HEPACAM2: variants seen among roughly 807,000 people sequenced by gnomAD.
HEPACAM2 encodes HEPACAM family member 2.
A neutral mutation model predicts 49.6 loss-of-function variants in HEPACAM2; 49 were observed. That is an observed-to-expected ratio of 0.99 (90% confidence interval 0.78 to 1.25). The LOEUF (loss-of-function observed/expected upper bound fraction) is 1.25. Among genes scored for constraint, HEPACAM2 ranks in the 50% most tolerant of loss-of-function variants. HEPACAM2 has a pLI of 0.00. For missense variants in HEPACAM2, 525 were observed against 557.2 expected, an observed-to-expected ratio of 0.94 and a Z score of 0.58; for synonymous variants, 197 against 202.9, an observed-to-expected ratio of 0.97 and a Z score of 0.25.
chr7:93,188,980 T>C lies in HEPACAM2; in HGVS notation c.*287A>G, dbSNP rs42507. On this transcript the variant is annotated 3_prime_UTR_variant, in exon 10 of 10. Transcript: ENST00000394468. ...GTAGAGATATTTCATACAAAACTTATGAGGAAACCCCTGTCACTTTCGTTC... is the reference window on the plus strand; with the variant it reads ...GTAGAGATATTTCATACAAAACTTACGAGGAAACCCCTGTCACTTTCGTTC... 0.56 allele frequency: 250,308 copies of C among 443,694 alleles called. 77,574 individuals are homozygous for C. The highest frequency in any genetic ancestry group is 0.67 in the Middle Eastern group (1,181 of 1,750). The allele number at this position is 443,694 out of a possible 1,614,324, so 27.5% of individuals were successfully genotyped here. A position where few individuals can be genotyped will look rare whatever the true frequency, so the allele number is the denominator to read the frequency against.
At chr7:93,221,563 C>T (rs1228321621) in intron 1 of HEPACAM2, among the ~76,000 whole-genome samples, 1 of 152,130 alleles carries the variant, frequency 6.6e-6, no homozygotes, top group African/African-American at 2.4e-5. Context: ...AAGATTCCCA[C>T]AGTTTGGGCC....
At chr7:93,221,784 T>C (rs920938849) in intron 1 of HEPACAM2, among the ~76,000 whole-genome samples, 1 of 152,192 alleles carries the variant, frequency 6.6e-6, no homozygotes, top group African/African-American at 2.4e-5. Context: ...TTGGCCTCTG[T>C]GTGTTTTTGT....
chr7:93,195,056 A>C (rs552816201), intron 8 of HEPACAM2, among the ~76,000 whole-genome samples: 2 of 151,492 alleles, frequency 1.3e-5, no homozygotes, highest in African/African-American at 2.4e-5. Context: ...TTCCTTCTGA[A>C]GCATGAGGTA....
rs181934040 is a variant in HEPACAM2 at position 93,189,275 on chromosome 7, T to G, written c.1386-5A>C. On this transcript the variant is annotated splice_region_variant and splice_polypyrimidine_tract_variant and intron_variant, in intron 9 of 9. Transcript: ENST00000394468. Reference sequence around the variant, plus strand: ...GTTTAGCCCATGAAAGTTCACCTAGTGAAGAGATATACAAAATATGTAAAC... The same window carrying G: ...GTTTAGCCCATGAAAGTTCACCTAGGGAAGAGATATACAAAATATGTAAAC... The G allele has an allele frequency of 7.9e-4, 1,261 of 1,592,426 alleles. 6 individuals are homozygous for G. The African/African-American group carries it at 0.016, about 20-fold the overall frequency.
At chr7:93,206,163 A>G (rs191640273) in intron 4 of HEPACAM2, among the ~76,000 whole-genome samples, 4 of 152,228 alleles carry the variant, frequency 2.6e-5, no homozygotes, top group Admixed American at 2.6e-4. Context: ...TTTCACTTGC[A>G]GTGAGCATGA....
chr7:93,218,061 A>C (rs1283862852), intron 2 of HEPACAM2, among the ~76,000 whole-genome samples: 1 of 152,112 alleles, frequency 6.6e-6, no homozygotes. Context: ...CAGCAAGTAC[A>C]AAGGCCCTGA....
intron 1 of HEPACAM2, among the ~76,000 whole-genome samples, chr7:93,222,248 TTATA>T (rs1376653814): frequency 2.0e-5 from 3 of 152,082 alleles, no homozygotes; most frequent in African/African-American, 7.2e-5. Context: ...CAAAATGCAT[TTATA>T]TGTCTTTCAT....
chr7:93,211,460 T>C (rs1229652675), intron 3 of HEPACAM2, among the ~76,000 whole-genome samples: 1 of 152,010 alleles, frequency 6.6e-6, no homozygotes, highest in African/African-American at 2.4e-5. Flanking sequence ...TGCTGTCAAA[T>C]GGAACTCTTT....
chr7:93,196,189 A>G (rs1043583274), intron 7 of HEPACAM2, among the ~76,000 whole-genome samples: 6 of 152,102 alleles, frequency 3.9e-5, no homozygotes, highest in African/African-American at 1.4e-4. Flanking sequence ...GGCCTTTGTA[A>G]CTTGCAGTTA....
chr7:93,201,196 T>C (rs1793873239), intron 4 of HEPACAM2, among the ~76,000 whole-genome samples: 1 of 152,118 alleles, frequency 6.6e-6, no homozygotes, highest in South Asian at 2.1e-4. Flanking sequence ...AGCTTTCTTT[T>C]TTGTATGGTT....
intron 9 of HEPACAM2, among the ~76,000 whole-genome samples, chr7:93,191,823 GAC>G (rs1408222851): frequency 1.3e-5 from 2 of 151,980 alleles, no homozygotes; most frequent in Non-Finnish European, 1.5e-5. Context: ...CTGTGCTGTG[GAC>G]CCTCTGTAGG....
intron 3 of HEPACAM2, among the ~76,000 whole-genome samples, chr7:93,210,357 T>C (rs1562829353): frequency 6.6e-6 from 1 of 151,974 alleles, no homozygotes; most frequent in Non-Finnish European, 1.5e-5. Flanking sequence ...TTAAACAATT[T>C]ATTTGCCCAT....
chr7:93,209,632 A>G (rs959642006), intron 3 of HEPACAM2, among the ~76,000 whole-genome samples: 1 of 151,940 alleles, frequency 6.6e-6, no homozygotes, highest in African/African-American at 2.4e-5. Flanking sequence ...AGTAACTACT[A>G]TTCTACTCTC....
chr7:93,204,226 C>T (rs1793967095), intron 4 of HEPACAM2, among the ~76,000 whole-genome samples: 1 of 152,110 alleles, frequency 6.6e-6, no homozygotes, highest in African/African-American at 2.4e-5. Flanking sequence ...TCAAACTATG[C>T]CCACATGGCC....
At chr7:93,201,170 G>C (rs1414835393) in intron 4 of HEPACAM2, among the ~76,000 whole-genome samples, 2 of 152,054 alleles carry the variant, frequency 1.3e-5, no homozygotes, top group African/African-American at 4.8e-5. Context: ...TAGAAGACCT[G>C]CTATATAGCT....
intron 3 of HEPACAM2, among the ~76,000 whole-genome samples, chr7:93,210,835 G>T (rs1158675698): frequency 6.6e-6 from 1 of 151,896 alleles, no homozygotes; most frequent in Non-Finnish European, 1.5e-5. Context: ...GCATTCTTTA[G>T]AAGTCATTTG....
chr7:93,226,015 T>G, intron 1 of HEPACAM2: 1 of 697,216 alleles, frequency 1.4e-6, no homozygotes, highest in Non-Finnish European at 2.3e-6. Flanking sequence ...TGGTCACAAT[T>G]TCATGGCCTA....
intron 1 of HEPACAM2, 182 bp from the exon 2 acceptor site, chr7:93,219,633 C>T: frequency 8.9e-7 from 1 of 1,121,556 alleles, no homozygotes; most frequent in Non-Finnish European, 1.2e-6. Context: ...ACCTTCTGCA[C>T]TTAAAAAACT....
At position 93,215,536 on chromosome 7, in the gene HEPACAM2, T is replaced by A; in HGVS notation, c.580A>T (p.Thr194Ser). 6.2e-7 allele frequency: 1 copy of A among 1,613,782 alleles called. No individual in the cohort carries two copies. Among genetic ancestry groups the A allele is most frequent in the Non-Finnish European group, 8.5e-7 (1 of 1,179,828 alleles). ...KNGRPVHTSS[T>S]YSFSPQNNTL... ...TTGTTTTGGGGAGAAAAGGAGTAGG[T>A]GGAGCTGGTGTGGACAGGTCTCCCA... Residue 194 changes from threonine (T) to serine (S), a missense_variant, in exon 3 of 10, where the codon ACC (threonine) becomes TCC (serine). Coordinates refer to ENST00000394468, the MANE Select transcript of HEPACAM2 (RefSeq NM_001039372.4).
Sources: allele counts gnomAD v4.1 joint callset (sites outside exome capture counted in the v4.1 genomes callset), GRCh38; gene constraint gnomAD v4.1.1; transcripts MANE v1.5; gene names NCBI Gene and HGNC (gene_info 2026-07-23, HGNC 2026-07-21).